The following GABRB2 variants were observed in gnomAD, a reference collection of about 807,000 sequenced individuals.
The protein encoded by GABRB2 is gamma-aminobutyric acid receptor subunit beta-2.
A neutral mutation model predicts 54.7 loss-of-function variants in GABRB2; 16 were observed. The observed-to-expected ratio is 0.29, with a 90% CI of 0.20 to 0.44. GABRB2 has a LOEUF of 0.44. Ranked by LOEUF, GABRB2 falls within the 20% of genes least tolerant of loss-of-function variation. The pLI, the probability that GABRB2 is intolerant of heterozygous loss-of-function variation, is 1.00. For synonymous variants in GABRB2, 244 were observed against 233.8 expected (o/e 1.04, Z -0.40); for missense variants, 355 against 644.0 (o/e 0.55, Z 4.86).
chr5:161,302,715 A>G (rs1757573218), intron 9 of GABRB2, among the ~76,000 whole-genome samples: 3 of 152,210 alleles, frequency 2.0e-5, no homozygotes. Flanking sequence ...TGAAATGCTT[A>G]AGCAATGGAC....
At chr5:161,459,498 G>C in intron 4 of GABRB2, 126 bp downstream of exon 4, 5 of 788,892 alleles carry the variant, frequency 6.3e-6, no homozygotes, top group Non-Finnish European at 8.6e-6. Context: ...CTAGTGGATA[G>C]GAGGCTTAAC....
intron 3 of GABRB2, among the ~76,000 whole-genome samples, chr5:161,470,621 G>A (rs956947672): frequency 1.3e-5 from 2 of 151,898 alleles, no homozygotes; most frequent in South Asian, 2.1e-4. Flanking sequence ...CAGACAGCAC[G>A]GAGCTGCTGG....
chr5:161,482,787 T>G (rs759619438), intron 3 of GABRB2, among the ~76,000 whole-genome samples: 26 of 152,068 alleles, frequency 1.7e-4, no homozygotes, highest in Non-Finnish European at 3.1e-4. Flanking sequence ...AAGTTTGGTA[T>G]TTTGTTCCAT....
chr5:161,379,373 T>C (rs1271282104), intron 5 of GABRB2, among the ~76,000 whole-genome samples: 1 of 152,126 alleles, frequency 6.6e-6, no homozygotes, highest in Non-Finnish European at 1.5e-5. Flanking sequence ...ACAGGATGTG[T>C]GTGAGTGTAT....
intron 4 of GABRB2, among the ~76,000 whole-genome samples, chr5:161,419,265 T>A (rs1264335692): frequency 6.6e-6 from 1 of 152,106 alleles, no homozygotes; most frequent in Non-Finnish European, 1.5e-5. Flanking sequence ...TAAGATACCA[T>A]CTCATCCCAG....
chr5:161,514,503 C>T (rs1297162222), intron 3 of GABRB2, among the ~76,000 whole-genome samples: 5 of 152,064 alleles, frequency 3.3e-5, no homozygotes, highest in Admixed American at 3.3e-4. Context: ...AGAGCAAATG[C>T]TTAATGAGTA....
At chr5:161,357,495 A>G (rs2113445638) in intron 5 of GABRB2, among the ~76,000 whole-genome samples, 2 of 145,656 alleles carry the variant, frequency 1.4e-5, no homozygotes, top group African/African-American at 5.1e-5. Context: ...GAGAGTTTTC[A>G]CTATTATGAG....
At chr5:161,522,006 C>T (rs1561681077) in intron 3 of GABRB2, among the ~76,000 whole-genome samples, 3 of 151,856 alleles carry the variant, frequency 2.0e-5, no homozygotes, top group Non-Finnish European at 2.9e-5. Context: ...ACAACCAGTT[C>T]CTTAATTTTT....
intron 3 of GABRB2, among the ~76,000 whole-genome samples, chr5:161,544,922 T>C (rs1760928423): frequency 6.6e-6 from 1 of 152,022 alleles, no homozygotes; most frequent in Non-Finnish European, 1.5e-5. Context: ...ATGAACTGGG[T>C]TTCTCATTGA....
intron 9 of GABRB2, among the ~76,000 whole-genome samples, chr5:161,323,689 C>G (rs1179675180): frequency 6.6e-6 from 1 of 151,802 alleles, no homozygotes; most frequent in African/African-American, 2.4e-5. Flanking sequence ...AGTCTACTCT[C>G]TCTCCTCTTC....
At chr5:161,531,379 C>A (rs569043990) in intron 3 of GABRB2, among the ~76,000 whole-genome samples, 11 of 152,124 alleles carry the variant, frequency 7.2e-5, no homozygotes, top group Non-Finnish European at 1.5e-4. Flanking sequence ...TGTTTAAAAG[C>A]CAGCTGTTCA....
At chr5:161,448,280 G>A (rs769180721) in intron 4 of GABRB2, among the ~76,000 whole-genome samples, 10 of 152,028 alleles carry the variant, frequency 6.6e-5, no homozygotes, top group African/African-American at 1.2e-4. Context: ...AAAATTAGCC[G>A]GATGTAGTGG....
At chr5:161,504,525 C>T (rs887980548) in intron 3 of GABRB2, among the ~76,000 whole-genome samples, 2 of 151,890 alleles carry the variant, frequency 1.3e-5, no homozygotes, top group Non-Finnish European at 2.9e-5. Flanking sequence ...AATAATATCT[C>T]AAAATTCTTG....
At chr5:161,349,767 A>G (rs887008753) in intron 5 of GABRB2, among the ~76,000 whole-genome samples, 1 of 152,098 alleles carries the variant, frequency 6.6e-6, no homozygotes, top group African/African-American at 2.4e-5. Context: ...GCCTGCAGGA[A>G]ACTTAAGCTT....
In GABRB2 at chr5:161,315,824, C is replaced by T. The variant is rs148818345; in HGVS notation, c.1191+10544G>A. Reference sequence around the variant, plus strand: ...GGTCTTCTTGCTATTTTGAAATATACGATAAATCTTTATAGATGCATCATT... The same window carrying T: ...GGTCTTCTTGCTATTTTGAAATATATGATAAATCTTTATAGATGCATCATT... On this transcript the variant is annotated intron_variant, in intron 9 of 9. Transcript: ENST00000393959. Among the ~76,000 whole-genome samples, 550 of 152,130 alleles carry T rather than the reference C, an allele frequency of 3.6e-3. 3 individuals are homozygous for T. Among genetic ancestry groups the T allele is most frequent in the African/African-American group, 0.012 (501 of 41,510 alleles).
intron 3 of GABRB2, among the ~76,000 whole-genome samples, chr5:161,495,895 G>C (rs1759227244): frequency 1.3e-5 from 2 of 152,204 alleles, no homozygotes; most frequent in Admixed American, 1.3e-4. Flanking sequence ...TGCTTCCTTT[G>C]ATCTACTACT....
chr5:161,481,137 C>G (rs886490766), intron 3 of GABRB2, among the ~76,000 whole-genome samples: 5 of 151,774 alleles, frequency 3.3e-5, no homozygotes, highest in African/African-American at 1.2e-4. Flanking sequence ...ATACATGGGC[C>G]CAGTTTTCAA....
intron 9 of GABRB2, among the ~76,000 whole-genome samples, chr5:161,309,923 G>T (rs1256942311): frequency 6.6e-6 from 1 of 151,986 alleles, no homozygotes; most frequent in South Asian, 2.1e-4. Context: ...GAGCCACCGC[G>T]CCTGGCCCTA....
At chr5:161,545,943 T>C (rs1760971112) in intron 2 of GABRB2, among the ~76,000 whole-genome samples, 1 of 152,152 alleles carries the variant, frequency 6.6e-6, no homozygotes, top group Non-Finnish European at 1.5e-5. Flanking sequence ...CTCAACCAAC[T>C]GCCTGCACGT....
Sources: gnomAD v4.1 joint callset for allele counts (sites outside exome capture counted in the v4.1 genomes callset) on GRCh38, gnomAD v4.1.1 for gene constraint, MANE v1.5 for transcripts, NCBI Gene and HGNC (gene_info 2026-07-23, HGNC 2026-07-21) for gene names.